CDK5RAP1: variants seen among roughly 807,000 people sequenced by gnomAD.
The protein encoded by CDK5RAP1 is mitochondrial tRNA methylthiotransferase CDK5RAP1.
In CDK5RAP1, 62 loss-of-function variants were observed where a neutral mutation model predicts 64.5. The observed-to-expected ratio is 0.96, with a 90% CI of 0.78 to 1.19. The LOEUF is 1.19. Ranked by LOEUF, CDK5RAP1 falls within the 50% of genes most tolerant of loss-of-function variation. The pLI is 0.00. For synonymous variants in CDK5RAP1, 250 were observed against 261.9 expected (o/e 0.95, Z 0.44); for missense variants, 657 against 735.0 (o/e 0.89, Z 1.23).
intron 5 of CDK5RAP1, among the ~76,000 whole-genome samples, chr20:33,389,630 G>A (rs1475684206): frequency 6.6e-6 from 1 of 151,708 alleles, no homozygotes. Flanking sequence ...CAGGAGGTGG[G>A]GGGCGCCTCT....
intron 5 of CDK5RAP1, among the ~76,000 whole-genome samples, chr20:33,388,856 A>T (rs1393254200): frequency 6.6e-6 from 1 of 151,986 alleles, no homozygotes; most frequent in East Asian, 1.9e-4. Context: ...CCAGCTCCTA[A>T]CCGGGAGTGA....
intron 12 of CDK5RAP1, among the ~76,000 whole-genome samples, chr20:33,360,785 A>C (rs956424138): frequency 4.6e-5 from 7 of 152,274 alleles, no homozygotes; most frequent in African/African-American, 1.7e-4. Context: ...GCCTAAAGCC[A>C]GAGACTTATG....
intron 6 of CDK5RAP1, 80 bp from the exon 7 acceptor site, chr20:33,385,850 A>G: frequency 7.4e-7 from 1 of 1,347,988 alleles, no homozygotes; most frequent in South Asian, 1.4e-5. Context: ...CAGCTTCAAT[A>G]GCATTATTCT....
At chr20:33,381,050 A>G (rs1159664915) in intron 7 of CDK5RAP1, among the ~76,000 whole-genome samples, 1 of 152,188 alleles carries the variant, frequency 6.6e-6, no homozygotes, top group East Asian at 1.9e-4. Flanking sequence ...GGTTGCTAAA[A>G]AAGACTTGTT....
chr20:33,387,906 A>C (rs1987664603), intron 5 of CDK5RAP1, among the ~76,000 whole-genome samples: 1 of 152,018 alleles, frequency 6.6e-6, no homozygotes, highest in Non-Finnish European at 1.5e-5. Flanking sequence ...GTCTCTACTA[A>C]AAATACAAAA....
chr20:33,401,180 C>T (rs1406669350), intron 1 of CDK5RAP1, among the ~76,000 whole-genome samples: 1 of 152,200 alleles, frequency 6.6e-6, no homozygotes, highest in African/African-American at 2.4e-5. Flanking sequence ...GCTGTACTGT[C>T]AACCCCACTT....
intron 9 of CDK5RAP1, 47 bp downstream of exon 9, chr20:33,374,068 G>T: frequency 7.8e-7 from 1 of 1,290,310 alleles, no homozygotes; most frequent in Non-Finnish European, 1.1e-6. Flanking sequence ...TGGTCATTAA[G>T]GAAACATGGA....
intron 11 of CDK5RAP1, among the ~76,000 whole-genome samples, chr20:33,369,700 G>C (rs557701219): frequency 2.0e-5 from 3 of 152,120 alleles, no homozygotes; most frequent in Non-Finnish European, 4.4e-5. Context: ...AGGACTGCCT[G>C]AGCCAGGAGT....
In CDK5RAP1 at chr20:33,392,126, G is replaced by A. The variant is rs1410288045; in HGVS notation, c.544+16C>T. ...CCAAGTTTCAAAGCTGACAAAATGT[G>A]CAAATTACCAGATACCTAGAATTCC... On this transcript the variant is annotated intron_variant, in intron 5 of 13. Coordinates refer to ENST00000346416, the MANE Select transcript of CDK5RAP1 (RefSeq NM_016408.4). 8 of 1,518,406 alleles carry A rather than the reference G, an allele frequency of 5.3e-6. No homozygotes were observed. The highest frequency in any genetic ancestry group is 4.5e-5 in the South Asian group (4 of 88,314). 94.1% of individuals were successfully genotyped at this position (1,518,406 alleles called of 1,614,324 possible).
At chr20:33,389,220 G>A (rs1216992296) in intron 5 of CDK5RAP1, among the ~76,000 whole-genome samples, 2 of 151,306 alleles carry the variant, frequency 1.3e-5, no homozygotes, top group Non-Finnish European at 2.9e-5. Flanking sequence ...GATGTGGGGA[G>A]TGCCTCTGCC....
At chr20:33,396,720 C>G in intron 2 of CDK5RAP1, 41 bp downstream of exon 2, 2 of 1,424,036 alleles carry the variant, frequency 1.4e-6, no homozygotes, top group Non-Finnish European at 2.0e-6. Context: ...CAGAGAGGAG[C>G]AAGGCAGGAA....
chr20:33,387,811 A>G (rs981979462), intron 5 of CDK5RAP1, among the ~76,000 whole-genome samples: 2 of 152,142 alleles, frequency 1.3e-5, no homozygotes, highest in Non-Finnish European at 1.5e-5. Flanking sequence ...TCATGGCTGT[A>G]ATCCCCACAC....
intron 7 of CDK5RAP1, among the ~76,000 whole-genome samples, chr20:33,380,400 C>T (rs138532965): frequency 7.9e-5 from 12 of 152,100 alleles, no homozygotes; most frequent in African/African-American, 2.7e-4. Context: ...TGGGATTTCA[C>T]CATGTTGCAC....
intron 8 of CDK5RAP1, among the ~76,000 whole-genome samples, chr20:33,378,883 C>T (rs754324135): frequency 5.9e-5 from 9 of 152,152 alleles, no homozygotes. Context: ...CCTCTCTGTA[C>T]AGCCCTCACG....
At chr20:33,374,975 G>C (rs2146631409) in intron 8 of CDK5RAP1, among the ~76,000 whole-genome samples, 1 of 151,376 alleles carries the variant, frequency 6.6e-6, no homozygotes, top group Non-Finnish European at 1.5e-5. Flanking sequence ...GACCAGCCTG[G>C]ACAACATAGT....
chr20:33,371,757 T>C (rs1985050161), intron 10 of CDK5RAP1, among the ~76,000 whole-genome samples: 1 of 152,130 alleles, frequency 6.6e-6, no homozygotes, highest in Non-Finnish European at 1.5e-5. Context: ...CACTCTATCC[T>C]GGGCAATAGA....
chr20:33,387,615 G>A (rs1042038241), intron 5 of CDK5RAP1, 82 bp from the exon 6 acceptor site: 1 of 1,136,702 alleles, frequency 8.8e-7, no homozygotes, highest in African/African-American at 1.5e-5. Context: ...TTTATCTGTA[G>A]CTGGGATTAG....
chr20:33,365,935 T>TA (rs1983845383), intron 12 of CDK5RAP1, among the ~76,000 whole-genome samples: 1 of 152,198 alleles, frequency 6.6e-6, no homozygotes, highest in African/African-American at 2.4e-5. Context: ...AAGTCTCCTC[T>TA]AAGAGAAAGC....
intron 8 of CDK5RAP1, among the ~76,000 whole-genome samples, chr20:33,376,071 G>A (rs1185128605): frequency 1.3e-5 from 2 of 152,134 alleles, no homozygotes; most frequent in African/African-American, 4.8e-5. Context: ...GCTCACGCCT[G>A]TAATCCCAGC....
Sources: gnomAD v4.1 joint callset for allele counts (sites outside exome capture counted in the v4.1 genomes callset) on GRCh38, gnomAD v4.1.1 for gene constraint, MANE v1.5 for transcripts, NCBI Gene and HGNC (gene_info 2026-07-23, HGNC 2026-07-21) for gene names.